PTPRN2: variants seen among roughly 807,000 people sequenced by gnomAD.
PTPRN2 encodes receptor-type tyrosine-protein phosphatase N2.
A neutral mutation model predicts 118.8 loss-of-function variants in PTPRN2; 74 were observed. The observed-to-expected ratio is 0.62, with a 90% CI of 0.52 to 0.76. The LOEUF is 0.76. Among genes scored for constraint, PTPRN2 ranks in the 30% least tolerant of loss-of-function variants. PTPRN2 has a pLI of 0.00. For synonymous variants in PTPRN2, 641 were observed against 608.0 expected (o/e 1.05, Z -0.80); for missense variants, 1,481 against 1,394.4 (o/e 1.06, Z -0.99).
At chr7:158,004,956 T>C (rs1268441743) in intron 11 of PTPRN2, among the ~76,000 whole-genome samples, 1 of 152,140 alleles carries the variant, frequency 6.6e-6, no homozygotes, top group Non-Finnish European at 1.5e-5. Flanking sequence ...ACATAAACAG[T>C]AAGATGGAAG....
chr7:158,060,274 G>A (rs1214682598), intron 11 of PTPRN2, among the ~76,000 whole-genome samples: 2 of 134,464 alleles, frequency 1.5e-5, no homozygotes, highest in African/African-American at 7.1e-5. Flanking sequence ...CACTCCATCT[G>A]CACACAGTGA....
intron 12 of PTPRN2, among the ~76,000 whole-genome samples, chr7:157,761,347 C>T (rs1802114803): frequency 6.7e-6 from 1 of 149,630 alleles, no homozygotes; most frequent in Non-Finnish European, 1.5e-5. Context: ...TGACTTCAAA[C>T]TATACTACAA....
At chr7:157,620,335 G>C (rs1803082292) in intron 15 of PTPRN2, among the ~76,000 whole-genome samples, 1 of 152,146 alleles carries the variant, frequency 6.6e-6, no homozygotes, top group African/African-American at 2.4e-5. Context: ...CCGTGCTGTG[G>C]GAACACGAGG....
rs187624152 is a variant in PTPRN2 at position 157,851,948 on chromosome 7, G to C, written c.1788+46725C>G. Among the ~76,000 whole-genome samples, 32 of 152,334 alleles carry C rather than the reference G, an allele frequency of 2.1e-4. 3 individuals are homozygous for C. The highest frequency in any genetic ancestry group is 7.7e-4 in the African/African-American group (32 of 41,574). ...GCCCACCTCGCTGCGGGCAACACCC[G>C]TTTTCCTAAAGATTGACAAGAGGAC... On this transcript the variant is annotated intron_variant, in intron 12 of 22. Coordinates refer to ENST00000389418, the MANE Select transcript of PTPRN2 (RefSeq NM_002847.5).
intron 11 of PTPRN2, among the ~76,000 whole-genome samples, chr7:158,071,747 C>T (rs1209749832): frequency 6.3e-4 from 47 of 74,830 alleles, no homozygotes; most frequent in East Asian, 5.7e-3. Context: ...TGGAGGTGCT[C>T]ATGGTGGAGG....
chr7:158,515,273 G>C lies in PTPRN2; in HGVS notation c.113-25488C>G, dbSNP rs181835620. Among the ~76,000 whole-genome samples, 479 of 151,076 alleles carry C rather than the reference G, an allele frequency of 3.2e-3. 1 individual carries two copies. The highest frequency in any genetic ancestry group is 0.011 in the African/African-American group (456 of 41,056). On this transcript the variant is annotated intron_variant, in intron 1 of 22. Coordinates refer to ENST00000389418, the MANE Select transcript of PTPRN2 (RefSeq NM_002847.5). The stretch of plus-strand genomic sequence containing the variant: ...ATGTTCTCTGCTCACCGCAACCTCT[G>C]CCTCCTGGGTTCAAGTGATTCTCCT...
At chr7:157,781,694 T>C (rs543600449) in intron 12 of PTPRN2, among the ~76,000 whole-genome samples, 2 of 152,324 alleles carry the variant, frequency 1.3e-5, no homozygotes, top group African/African-American at 4.8e-5. Flanking sequence ...CCAGGTTGCT[T>C]TCTTGCCCTC....
At chr7:158,453,728 G>T (rs1359173987) in intron 2 of PTPRN2, among the ~76,000 whole-genome samples, 1 of 151,204 alleles carries the variant, frequency 6.6e-6, no homozygotes, top group Admixed American at 6.6e-5. Context: ...GAGGAAAATT[G>T]AAAGCCTCAT....
chr7:157,751,192 T>C (rs1173556606), intron 12 of PTPRN2, among the ~76,000 whole-genome samples: 1 of 151,970 alleles, frequency 6.6e-6, no homozygotes, highest in Admixed American at 6.5e-5. Context: ...AAATTGCAAC[T>C]GGAGACATGC....
chr7:158,147,358 A>G (rs13223866), intron 6 of PTPRN2, among the ~76,000 whole-genome samples: 10,280 of 13,842 alleles, frequency 0.74, 4,144 homozygotes, highest in Middle Eastern at 1. Context: ...CACGCCACGT[A>G]TCTTTCCCCC....
chr7:158,333,956 C>A lies in PTPRN2; in HGVS notation c.164-17024G>T, dbSNP rs1805054920. The stretch of plus-strand genomic sequence containing the variant: ...CATAAGAGCTGTCGCCCGCAGAGGT[C>A]ACTCACACCCACAATCTCACCATAA... On this transcript the variant is annotated intron_variant, in intron 2 of 22. Transcript: ENST00000389418. Among the ~76,000 whole-genome samples, 2 of 57,312 alleles carry A rather than the reference C, an allele frequency of 3.5e-5. 1 individual carries two copies. The highest frequency in any genetic ancestry group is 2.0e-3 in the South Asian group (2 of 986). The allele number at this position is 57,312 out of a possible 152,430, so 37.6% of individuals were successfully genotyped here. A position where few individuals can be genotyped will look rare whatever the true frequency, so the allele number is the denominator to read the frequency against.
rs570712794 is a variant in PTPRN2 at position 158,493,367 on chromosome 7, A to G, written c.113-3582T>C. On this transcript the variant is annotated intron_variant, in intron 1 of 22. Transcript: ENST00000389418. ...CATACACACACGCACACCTGCATGC[A>G]TACACACATGCACACACTCATACAT... Among the ~76,000 whole-genome samples, 3 of 147,928 alleles carry G rather than the reference A, an allele frequency of 2.0e-5. No homozygotes were observed. The South Asian group carries it at 6.6e-4, about 33-fold the overall frequency.
intron 12 of PTPRN2, among the ~76,000 whole-genome samples, chr7:157,856,853 T>C (rs1358958713): frequency 6.6e-6 from 1 of 152,192 alleles, no homozygotes; most frequent in Non-Finnish European, 1.5e-5. Context: ...CTGTTAAGTA[T>C]TGCTTAGCAA....
intron 13 of PTPRN2, among the ~76,000 whole-genome samples, chr7:157,680,131 A>G (rs577601746): frequency 5.1e-4 from 78 of 152,318 alleles, no homozygotes; most frequent in Non-Finnish European, 9.0e-4. Context: ...TACCTTGCAC[A>G]ATAATCTTTT....
chr7:158,049,401 C>T (rs1276211644), intron 11 of PTPRN2, among the ~76,000 whole-genome samples: 1 of 152,226 alleles, frequency 6.6e-6, no homozygotes, highest in Non-Finnish European at 1.5e-5. Context: ...ACATGCTCTG[C>T]CCTGTCTTCC....
In PTPRN2 at chr7:158,372,307, A is replaced by AGCGCTGGTCCCCGG. The variant is rs1563213098; in HGVS notation, c.164-55376_164-55375insCCGGGGACCAGCGC. 4.5e-4 allele frequency among the ~76,000 whole-genome samples: 42 copies of AGCGCTGGTCCCCGG among 92,560 alleles called. 4 individuals carry two copies. Among genetic ancestry groups the AGCGCTGGTCCCCGG allele is most frequent in the African/African-American group, 1.5e-3 (32 of 21,532 alleles). The allele number at this position is 92,560 out of a possible 152,430, so 60.7% of individuals were successfully genotyped here. The stretch of plus-strand genomic sequence containing the variant: ...GCTGGTCCCCGGAGCTGGTCCCCCC[A>AGCGCTGGTCCCCGG]ACGCTGGTCCCCGGAGCTGGTCCCC... On this transcript the variant is annotated intron_variant, in intron 2 of 22. Coordinates refer to ENST00000389418, the MANE Select transcript of PTPRN2 (RefSeq NM_002847.5).
chr7:158,327,985 A>G lies in PTPRN2; in HGVS notation c.164-11053T>C, dbSNP rs141731286. ...TCCCCAGCTATTTTTGGAGGAGGGA[A>G]AAGTAATTACAGCTCAGAATCACTG... On this transcript the variant is annotated intron_variant, in intron 2 of 22. Coordinates refer to ENST00000389418, the MANE Select transcript of PTPRN2 (RefSeq NM_002847.5). Among the ~76,000 whole-genome samples, 188 of 152,324 alleles carry G rather than the reference A, an allele frequency of 1.2e-3. 1 individual carries two copies. Among genetic ancestry groups the G allele is most frequent in the African/African-American group, 4.2e-3 (173 of 41,578 alleles).
At chr7:157,580,578 CCCTGCACACCCCAGCA>C (rs1563230880) in intron 17 of PTPRN2, among the ~76,000 whole-genome samples, 30 of 133,972 alleles carry the variant, frequency 2.2e-4, no homozygotes, top group African/African-American at 5.1e-4. Flanking sequence ...ACATCCGAGC[CCCTGCACACCCCAGCA>C]CCTGCACACC....
chr7:157,818,916 C>T (rs550758500), intron 12 of PTPRN2, among the ~76,000 whole-genome samples: 18 of 152,184 alleles, frequency 1.2e-4, no homozygotes, highest in African/African-American at 4.3e-4. Flanking sequence ...CTGAAACCAG[C>T]AAGGCCAGGC....
Sources: gnomAD v4.1 joint callset for allele counts (sites outside exome capture counted in the v4.1 genomes callset) on GRCh38, gnomAD v4.1.1 for gene constraint, MANE v1.5 for transcripts, NCBI Gene and HGNC (gene_info 2026-07-23, HGNC 2026-07-21) for gene names.